Variants in NPAS2 observed in about 807,000 individuals in gnomAD.
NPAS2 encodes neuronal PAS domain protein 2, also known as neuronal PAS domain-containing protein 2.
A neutral mutation model predicts 107.5 loss-of-function variants in NPAS2; 23 were observed. That is an observed-to-expected ratio of 0.21 (90% CI 0.15 to 0.30). The LOEUF (loss-of-function observed/expected upper bound fraction) is 0.30, where lower values mean the gene tolerates loss of function less well. NPAS2 is among the 10% of genes least tolerant of loss of function. The pLI is 1.00. For synonymous variants in NPAS2, 403 were observed against 417.5 expected, an observed-to-expected ratio of 0.97 and a Z score of 0.42; for missense variants, 756 against 1,043.3, an observed-to-expected ratio of 0.72 and a Z score of 3.79.
intron 1 of NPAS2, among the ~76,000 whole-genome samples, chr2:100,892,750 C>T (rs1681156034): frequency 6.6e-6 from 1 of 152,132 alleles, no homozygotes; most frequent in Non-Finnish European, 1.5e-5. Flanking sequence ...GACAGAGTCT[C>T]GCTCTGTCGC....
chr2:100,887,562 G>A (rs1378108934), intron 1 of NPAS2, among the ~76,000 whole-genome samples: 2 of 152,226 alleles, frequency 1.3e-5, no homozygotes, highest in African/African-American at 4.8e-5. Flanking sequence ...ACCCGTGCAG[G>A]CCCAGCAGCC....
chr2:100,943,745 T>C (rs1674719785), intron 5 of NPAS2, among the ~76,000 whole-genome samples: 1 of 152,216 alleles, frequency 6.6e-6, no homozygotes, highest in Middle Eastern at 3.2e-3. Context: ...GAGCAGAAAC[T>C]GTACCTGTCC....
At chr2:100,923,322 C>G (rs1683356180) in intron 2 of NPAS2, among the ~76,000 whole-genome samples, 1 of 152,062 alleles carries the variant, frequency 6.6e-6, no homozygotes. Context: ...GAAGAATTGC[C>G]CAAATGTTAT....
At chr2:100,855,362 C>T (rs536808031) in intron 1 of NPAS2, among the ~76,000 whole-genome samples, 2 of 152,286 alleles carry the variant, frequency 1.3e-5, no homozygotes, top group South Asian at 4.1e-4. Flanking sequence ...TCACGAAGGC[C>T]TCGACCGCGG....
intron 1 of NPAS2, among the ~76,000 whole-genome samples, chr2:100,824,525 A>G (rs1423096422): frequency 3.3e-5 from 5 of 152,206 alleles, no homozygotes; most frequent in Non-Finnish European, 7.3e-5. Context: ...GTCACTTTCC[A>G]GGATCAAAGC....
chr2:100,922,042 T>C (rs1357054367), intron 2 of NPAS2, among the ~76,000 whole-genome samples: 1 of 152,206 alleles, frequency 6.6e-6, no homozygotes, highest in Non-Finnish European at 1.5e-5. Flanking sequence ...TCAAAAAGAC[T>C]GTATACTCTG....
chr2:100,916,188 C>T (rs970628160), intron 2 of NPAS2, among the ~76,000 whole-genome samples: 1 of 151,756 alleles, frequency 6.6e-6, no homozygotes, highest in African/African-American at 2.4e-5. Flanking sequence ...AACAATAACC[C>T]AAAACAAAGA....
At chr2:100,865,816 ACT>A (rs1156400843) in intron 1 of NPAS2, among the ~76,000 whole-genome samples, 2 of 152,038 alleles carry the variant, frequency 1.3e-5, no homozygotes, top group African/African-American at 4.8e-5. Flanking sequence ...TTTGGACCAT[ACT>A]CTCTAAGTTC....
At chr2:100,853,049 C>A in intron 1 of NPAS2, among the ~76,000 whole-genome samples, 1 of 152,158 alleles carries the variant, frequency 6.6e-6, no homozygotes, top group East Asian at 1.9e-4. Context: ...ATCTTATAAA[C>A]TTCTATCATG....
chr2:100,925,794 G>C (rs1683524690), intron 3 of NPAS2, among the ~76,000 whole-genome samples: 1 of 152,104 alleles, frequency 6.6e-6, no homozygotes, highest in Admixed American at 6.5e-5. Flanking sequence ...TTTTTATTGA[G>C]ATATAATGTT....
chr2:100,924,385 T>C (rs1683429755), intron 2 of NPAS2, among the ~76,000 whole-genome samples: 1 of 152,224 alleles, frequency 6.6e-6, no homozygotes, highest in Non-Finnish European at 1.5e-5. Flanking sequence ...CCTCTGTTCA[T>C]CCCTCCTAAC....
Position 100,996,751 on chromosome 2 carries a change from C to T in NPAS2, c.*1169C>T, listed in dbSNP as rs1172233668. On this transcript the variant is annotated 3_prime_UTR_variant, in exon 21 of 21. Transcript: ENST00000335681. ...TATCTGAGATACCAGTTCCTTTTCC[C>T]AAATATAAAAGTATAAAAGTTTTCT... 2.6e-5 allele frequency: 4 copies of T among 152,410 alleles called. No individual in the cohort carries two copies. The highest frequency in any genetic ancestry group is 9.7e-5 in the African/African-American group (4 of 41,414). 9.4% of individuals were successfully genotyped at this position (152,410 alleles called of 1,614,324 possible).
intron 2 of NPAS2, 48 bp downstream of exon 2, chr2:100,904,834 G>T (rs749828383): frequency 7.8e-6 from 11 of 1,406,800 alleles, no homozygotes; most frequent in Non-Finnish European, 9.9e-6. Context: ...TGGCCCCCGG[G>T]GGTCTGCCTG....
intron 1 of NPAS2, chr2:100,878,644 G>A (rs377633542): frequency 9.1e-6 from 9 of 985,086 alleles, no homozygotes; most frequent in Middle Eastern, 5.2e-4. Flanking sequence ...GTAACTTTGC[G>A]GTTTTGTTTC....
upstream of NPAS2, among the ~76,000 whole-genome samples, chr2:100,819,148 A>G (rs1324642231): frequency 4.7e-5 from 7 of 147,612 alleles, no homozygotes; most frequent in Non-Finnish European, 6.0e-5. The surrounding 1 kb of genome is among the most constrained non-coding windows in gnomAD (Gnocchi z 5.8). Flanking sequence ...CCTCCCACAG[A>G]GGAAAAAAAA....
Position 100,948,314 on chromosome 2 carries a change from ATAT to A in NPAS2, c.444_446del (p.His148_Met149delinsGln). 6.2e-7 allele frequency: 1 copy of A among 1,612,858 alleles called. No individual in the cohort carries two copies. The highest frequency in any genetic ancestry group is 8.5e-7 in the Non-Finnish European group (1 of 1,179,496). On this transcript the variant is annotated inframe_deletion, in exon 6 of 21. Transcript: ENST00000335681. Reference sequence around the variant, plus strand: ...GAAGTTTATAAAATCCTTTCTTCCCATATGCTTGTGACGGATTCCCCCTCCCCA... The same window carrying A: ...GAAGTTTATAAAATCCTTTCTTCCCAGCTTGTGACGGATTCCCCCTCCCCA...
Position 100,974,805 on chromosome 2 carries a change from C to A in NPAS2, c.1143C>A (p.Asp381Glu). The A allele has an allele frequency of 6.2e-7, 1 of 1,613,574 alleles. No individual in the cohort carries two copies. The highest frequency in any genetic ancestry group is 2.2e-5 in the East Asian group (1 of 44,860). Reference protein sequence around the residue: ...SEALHSSALKDKGSSLEPRQH... With the variant: ...SEALHSSALKEKGSSLEPRQH... Reference sequence around the variant, plus strand: ...ACTGTTTGATGTGTGTGTTTCAGGACAAGGGCTCAAGCCTGGAACCTCGGC... The same window carrying A: ...ACTGTTTGATGTGTGTGTTTCAGGAAAAGGGCTCAAGCCTGGAACCTCGGC... Residue 381 changes from aspartate to glutamate, a missense_variant and splice_region_variant, in exon 13 of 21, where the codon GAC becomes GAA. Physicochemically the swap from Asp to Glu is conservative, Grantham distance 45. Coordinates refer to ENST00000335681, the MANE Select transcript of NPAS2 (RefSeq NM_002518.4).
At chr2:100,960,061 C>A (rs145002512) in intron 7 of NPAS2, among the ~76,000 whole-genome samples, 1 of 152,140 alleles carries the variant, frequency 6.6e-6, no homozygotes, top group African/African-American at 2.4e-5. Context: ...TGGGAGCTCA[C>A]CTTTGTCATC....
At chr2:100,873,305 T>TAC (rs1369269644) in intron 1 of NPAS2, among the ~76,000 whole-genome samples, 1,957 of 38,198 alleles carry the variant, frequency 0.051, 13 homozygotes, top group Middle Eastern at 0.079. Context: ...TATATATATA[T>TAC]ATACACACAC....
Sources: allele counts gnomAD v4.1 joint callset (sites outside exome capture counted in the v4.1 genomes callset), GRCh38; gene constraint gnomAD v4.1.1; non-coding constraint Gnocchi (gnomAD v3.1); transcripts MANE v1.5; gene names NCBI Gene and HGNC (gene_info 2026-07-23, HGNC 2026-07-21).